TNFAIP8: variants seen among roughly 807,000 people sequenced by gnomAD.
TNFAIP8 encodes TNF alpha induced protein 8, also known as tumor necrosis factor alpha-induced protein 8.
In TNFAIP8, 7 loss-of-function variants were observed where a neutral mutation model predicts 13.3. The observed-to-expected ratio is 0.52, with a 90% confidence interval of 0.30 to 0.99. The LOEUF (loss-of-function observed/expected upper bound fraction) is 0.99, where lower values mean the gene tolerates loss of function less well. TNFAIP8 is among the 50% of genes least tolerant of loss of function. TNFAIP8 has a pLI of 0.07. For synonymous variants in TNFAIP8, 94 were observed against 87.6 expected (o/e 1.07, Z -0.41); for missense variants, 258 against 236.9 (o/e 1.09, Z -0.58).
At chr5:119,382,231 T>C (rs75356994) in intron 1 of TNFAIP8, among the ~76,000 whole-genome samples, 5,529 of 152,232 alleles carry the variant, frequency 0.036, 319 homozygotes, top group African/African-American at 0.13. Flanking sequence ...TATCACCCCA[T>C]CAGCAAAAAC....
At chr5:119,290,736 T>C (rs1006310240) in intron 1 of TNFAIP8, among the ~76,000 whole-genome samples, 1 of 152,100 alleles carries the variant, frequency 6.6e-6, no homozygotes, top group Admixed American at 6.6e-5. Flanking sequence ...TTGGGATGCC[T>C]CAAAGGAAGG....
intron 1 of TNFAIP8, among the ~76,000 whole-genome samples, chr5:119,334,027 G>A (rs1201288821): frequency 6.6e-6 from 1 of 151,728 alleles, no homozygotes; most frequent in Admixed American, 6.6e-5. Flanking sequence ...GTTCCCAGTG[G>A]TCTGGTAGCA....
intron 1 of TNFAIP8, among the ~76,000 whole-genome samples, chr5:119,391,936 T>C (rs1044059111): frequency 5.9e-5 from 9 of 152,240 alleles, no homozygotes; most frequent in Admixed American, 3.3e-4. Flanking sequence ...GCCATTATTA[T>C]GTATATTGTA....
At chr5:119,345,908 A>C (rs1750884130) in intron 1 of TNFAIP8, among the ~76,000 whole-genome samples, 2 of 152,298 alleles carry the variant, frequency 1.3e-5, no homozygotes, top group South Asian at 4.1e-4. Context: ...ACAAAAGAAA[A>C]CTGTTAAGAA....
chr5:119,355,989 T>A, upstream of TNFAIP8: 1 of 1,516,370 alleles, frequency 6.6e-7, no homozygotes, highest in Non-Finnish European at 8.9e-7. Context: ...GCTTTCTTCC[T>A]TTTATTTTCC....
intron 1 of TNFAIP8, among the ~76,000 whole-genome samples, chr5:119,272,340 C>A (rs1047348809): frequency 6.6e-6 from 1 of 152,178 alleles, no homozygotes; most frequent in African/African-American, 2.4e-5. Flanking sequence ...TACAGCACAC[C>A]CTTCTCATGT....
intron 1 of TNFAIP8, among the ~76,000 whole-genome samples, chr5:119,319,554 A>G (rs1376761923): frequency 6.6e-6 from 1 of 152,146 alleles, no homozygotes; most frequent in Non-Finnish European, 1.5e-5. Flanking sequence ...GTTGTGGGAG[A>G]GTTCTCTGCT....
intron 1 of TNFAIP8, among the ~76,000 whole-genome samples, chr5:119,320,781 T>G (rs1437039990): frequency 6.7e-6 from 1 of 148,230 alleles, no homozygotes; most frequent in African/African-American, 2.5e-5. Flanking sequence ...TTCTCCTACC[T>G]GAATAACTGT....
intron 1 of TNFAIP8, among the ~76,000 whole-genome samples, chr5:119,288,822 G>C (rs952027774): frequency 1.3e-5 from 2 of 152,210 alleles, no homozygotes; most frequent in African/African-American, 4.8e-5. Flanking sequence ...GAAGTTTGTG[G>C]ATGTAGTCTC....
chr5:119,294,668 ACTCCACATCCT>A (rs1160268728), intron 1 of TNFAIP8, among the ~76,000 whole-genome samples: 4 of 151,842 alleles, frequency 2.6e-5, no homozygotes, highest in Admixed American at 6.6e-5. Context: ...CAACAGTGGG[ACTCCACATCCT>A]CTCCACATCC....
upstream of TNFAIP8, chr5:119,355,993 A>T: frequency 6.6e-7 from 1 of 1,520,232 alleles, no homozygotes; most frequent in Non-Finnish European, 8.9e-7. Context: ...TCTTCCTTTT[A>T]TTTTCCGTCG....
intron 1 of TNFAIP8, among the ~76,000 whole-genome samples, chr5:119,372,116 G>A (rs1279942661): frequency 5.4e-5 from 8 of 148,334 alleles, no homozygotes; most frequent in South Asian, 2.1e-4. Context: ...CAGCCTGGGC[G>A]ACAGAGCAAG....
intron 1 of TNFAIP8, among the ~76,000 whole-genome samples, chr5:119,321,700 C>G (rs1750060810): frequency 6.6e-6 from 1 of 152,220 alleles, no homozygotes; most frequent in Non-Finnish European, 1.5e-5. Context: ...CCCACCATCA[C>G]TTCTCTTCTG....
intron 1 of TNFAIP8, among the ~76,000 whole-genome samples, chr5:119,307,100 C>T (rs1581591075): frequency 6.6e-6 from 1 of 152,244 alleles, no homozygotes; most frequent in Middle Eastern, 3.4e-3. Flanking sequence ...TTGGGACTCG[C>T]CTTTTTTCCA....
At chr5:119,290,827 A>G (rs565204031) in intron 1 of TNFAIP8, among the ~76,000 whole-genome samples, 39 of 152,260 alleles carry the variant, frequency 2.6e-4, no homozygotes, top group African/African-American at 8.4e-4. Flanking sequence ...ATCAGGAGCA[A>G]AGCAGGGCGG....
chr5:119,281,287 T>TACACACACACACACAC (rs1554167569), intron 1 of TNFAIP8, among the ~76,000 whole-genome samples: 13 of 112,278 alleles, frequency 1.2e-4, no homozygotes, highest in Admixed American at 7.6e-4. Flanking sequence ...CACACACACA[T>TACACACACACACACAC]ACACACACAC....
At chr5:119,292,292 G>A (rs1278082496) in intron 1 of TNFAIP8, among the ~76,000 whole-genome samples, 1 of 141,972 alleles carries the variant, frequency 7.0e-6, no homozygotes, top group Admixed American at 7.6e-5. Flanking sequence ...TCTGGGAGGA[G>A]CAGGAATGAA....
chr5:119,325,510 C>T (rs1353725736), intron 1 of TNFAIP8, among the ~76,000 whole-genome samples: 5 of 152,196 alleles, frequency 3.3e-5, no homozygotes, highest in East Asian at 1.9e-4. Flanking sequence ...TGTAGTGGTG[C>T]GATCTCAGCT....
chr5:119,355,842 G>A (rs1269779119), upstream of TNFAIP8: 2 of 1,047,994 alleles, frequency 1.9e-6, no homozygotes, highest in Non-Finnish European at 2.3e-6. Context: ...CCCGGCTGCC[G>A]GCCCGAGCGC....
Sources: allele counts gnomAD v4.1 joint callset (sites outside exome capture counted in the v4.1 genomes callset), GRCh38; gene constraint gnomAD v4.1.1; transcripts MANE v1.5; gene names NCBI Gene and HGNC (gene_info 2026-07-23, HGNC 2026-07-21).